RNF168: variants seen among roughly 807,000 people sequenced by gnomAD.
RNF168 encodes the protein E3 ubiquitin-protein ligase RNF168.
Under a neutral mutation model 34.9 loss-of-function variants are expected in RNF168, and 34 were observed. That is an observed-to-expected ratio of 0.97 (90% CI 0.74 to 1.30). The LOEUF is 1.30. Ranked by LOEUF, RNF168 falls within the 50% of genes most tolerant of loss-of-function variation. RNF168 has a pLI of 0.00. For missense variants in RNF168, 725 were observed against 682.5 expected, an observed-to-expected ratio of 1.06 and a Z score of -0.69; for synonymous variants, 264 against 254.7, an observed-to-expected ratio of 1.04 and a Z score of -0.35.
intron 1 of RNF168, among the ~76,000 whole-genome samples, chr3:196,496,873 G>A (rs972958591): frequency 5.9e-5 from 9 of 152,270 alleles, no homozygotes; most frequent in African/African-American, 1.2e-4. Context: ...GGACGGGCAC[G>A]ATGGCTCACG....
chr3:196,474,460 T>TG (rs1732092035), intron 5 of RNF168, among the ~76,000 whole-genome samples: 1 of 149,956 alleles, frequency 6.7e-6, no homozygotes, highest in Non-Finnish European at 1.5e-5. Flanking sequence ...TTTTTTTTTT[T>TG]TTTTGAAACA....
chr3:196,485,280 G>T (rs1035863952), intron 3 of RNF168, among the ~76,000 whole-genome samples: 13 of 152,066 alleles, frequency 8.5e-5, no homozygotes, highest in Non-Finnish European at 5.9e-5. Context: ...GGCTGAGGTG[G>T]GTGGATCACA....
At chr3:196,498,037 A>G (rs1310940919) in intron 1 of RNF168, among the ~76,000 whole-genome samples, 2 of 152,226 alleles carry the variant, frequency 1.3e-5, no homozygotes, top group Non-Finnish European at 2.9e-5. Context: ...AATCAACTGG[A>G]ATGGTTAAAT....
At chr3:196,473,239 G>A (rs1231341054) in intron 5 of RNF168, among the ~76,000 whole-genome samples, 1 of 152,018 alleles carries the variant, frequency 6.6e-6, no homozygotes, top group African/African-American at 2.4e-5. Flanking sequence ...CTCTACCGTG[G>A]ACCCTCCTTT....
chr3:196,501,730 A>G (rs183161916), intron 1 of RNF168, among the ~76,000 whole-genome samples: 1 of 152,164 alleles, frequency 6.6e-6, no homozygotes, highest in African/African-American at 2.4e-5. Context: ...ACAATATTTT[A>G]AAAATAACGC....
Position 196,471,838 on chromosome 3 carries a change from A to C in RNF168, c.1697T>G (p.Phe566Cys). The change falls in exon 6 of 6, where the codon TTT becomes TGT. Residue 566 changes from phenylalanine (F) to cysteine (C), a missense_variant. Coordinates refer to ENST00000318037, the MANE Select transcript of RNF168 (RefSeq NM_152617.4). The part of the protein sequence containing the change: ...SISQKSVFQM[F>C]QRCTK ...CAGGCCTTACTTTGTGCATCTCTGA[A>C]ACATCTGAAAAACACTTTTCTGTGA... 6.2e-7 allele frequency: 1 copy of C among 1,613,048 alleles called. No individual in the cohort carries two copies. The highest frequency in any genetic ancestry group is 8.5e-7 in the Non-Finnish European group (1 of 1,179,038).
At chr3:196,481,268 T>C (rs1732280061) in intron 4 of RNF168, among the ~76,000 whole-genome samples, 1 of 152,118 alleles carries the variant, frequency 6.6e-6, no homozygotes, top group African/African-American at 2.4e-5. Context: ...CCCTTGCGTA[T>C]TCCTGACCTT....
intron 1 of RNF168, among the ~76,000 whole-genome samples, chr3:196,500,495 G>A (rs1203328379): frequency 6.6e-6 from 1 of 152,100 alleles, no homozygotes; most frequent in Non-Finnish European, 1.5e-5. Context: ...GTTGCCAGGG[G>A]ATAGTAGGAG....
chr3:196,490,529 A>G (rs1350763619), intron 1 of RNF168, among the ~76,000 whole-genome samples: 1 of 152,270 alleles, frequency 6.6e-6, no homozygotes, highest in Middle Eastern at 3.4e-3. Flanking sequence ...TACCCTAAAG[A>G]GCCCTGACTT....
chr3:196,481,115 TAGATA>T lies in RNF168; in HGVS notation c.680+2650_680+2654del, dbSNP rs1200964869. Reference sequence around the variant, plus strand: ...CCTCTGACTTTTTGGGTTTTCTACATAGATAATTATACCGCCTCTGAAGAATGATA... The same window carrying T: ...CCTCTGACTTTTTGGGTTTTCTACATATTATACCGCCTCTGAAGAATGATA... On this transcript the variant is annotated intron_variant, in intron 4 of 5. Transcript: ENST00000318037. Among the ~76,000 whole-genome samples the T allele has an allele frequency of 3.3e-5, 5 of 152,370 alleles. No individual in the cohort carries two copies. The East Asian group carries it at 9.6e-4, about 29-fold the overall frequency.
At chr3:196,489,070 G>A (rs1414528172) in intron 1 of RNF168, among the ~76,000 whole-genome samples, 1 of 152,046 alleles carries the variant, frequency 6.6e-6, no homozygotes, top group Admixed American at 6.6e-5. Context: ...TGGCCAGGCT[G>A]GTCTCGAGCT....
chr3:196,476,813 T>A (rs186091221), intron 4 of RNF168, among the ~76,000 whole-genome samples: 45 of 151,402 alleles, frequency 3.0e-4, no homozygotes, highest in African/African-American at 1.1e-3. Context: ...CGTGACATGA[T>A]CTTGGCTCAC....
Position 196,468,955 on chromosome 3 carries a change from G to A in RNF168, c.*2864C>T, listed in dbSNP as rs1236531963. The stretch of plus-strand genomic sequence containing the variant: ...TCTAACAAAAAGGCATACATGGTAG[G>A]CAGAGTAGAAATACTAACAGAAATT... On this transcript the variant is annotated 3_prime_UTR_variant, in exon 6 of 6. Transcript: ENST00000318037. The A allele has an allele frequency of 6.6e-6, 1 of 152,090 alleles. No homozygotes were observed. The highest frequency in any genetic ancestry group is 2.4e-5 in the African/African-American group (1 of 41,408). 9.4% of individuals were successfully genotyped at this position (152,090 alleles called of 1,614,324 possible). A position where few individuals can be genotyped will look rare whatever the true frequency, so the allele number is the denominator to read the frequency against.
Position 196,503,218 on chromosome 3 carries a change from A to G in RNF168, c.-45T>C, listed in dbSNP as rs1372654420. The G allele has an allele frequency of 6.4e-7, 1 of 1,565,884 alleles. No individual in the cohort carries two copies. Among genetic ancestry groups the G allele is most frequent in the Non-Finnish European group, 8.8e-7 (1 of 1,136,488 alleles). Reference sequence around the variant, plus strand: ...CGACTAAACAACGACACCTGCACGAAAAAGAATCCTATTTTCGGCCAACCA... The same window carrying G: ...CGACTAAACAACGACACCTGCACGAGAAAGAATCCTATTTTCGGCCAACCA... On this transcript the variant is annotated 5_prime_UTR_variant, in exon 1 of 6. Coordinates refer to ENST00000318037, the MANE Select transcript of RNF168 (RefSeq NM_152617.4).
chr3:196,479,747 G>A (rs1252883785), intron 4 of RNF168, among the ~76,000 whole-genome samples: 11 of 151,552 alleles, frequency 7.3e-5, no homozygotes, highest in South Asian at 4.2e-4. Context: ...CCGCCACCAC[G>A]CCTGGCTAAT....
chr3:196,486,707 C>T (rs557086193), intron 3 of RNF168, among the ~76,000 whole-genome samples: 5 of 152,146 alleles, frequency 3.3e-5, no homozygotes, highest in African/African-American at 4.8e-5. Flanking sequence ...GGAAAAGGAA[C>T]GGGAGTGGAG....
chr3:196,478,269 C>A (rs1391149455), intron 4 of RNF168, among the ~76,000 whole-genome samples: 1 of 152,060 alleles, frequency 6.6e-6, no homozygotes, highest in African/African-American at 2.4e-5. Flanking sequence ...CCAAAGATTT[C>A]TCTGTATATA....
chr3:196,484,500 A>G (rs1236520580), intron 3 of RNF168, among the ~76,000 whole-genome samples: 1 of 63,450 alleles, frequency 1.6e-5, no homozygotes, highest in Non-Finnish European at 3.1e-5. Flanking sequence ...TTTTTTTTTT[A>G]AGACAGGGTC....
intron 4 of RNF168, among the ~76,000 whole-genome samples, chr3:196,481,371 A>C (rs1577512732): frequency 6.6e-6 from 1 of 151,500 alleles, no homozygotes. Flanking sequence ...CAGGAGTTTG[A>C]GGTTGCAGTG....
Sources: gnomAD v4.1 joint callset for allele counts (sites outside exome capture counted in the v4.1 genomes callset) on GRCh38, gnomAD v4.1.1 for gene constraint, MANE v1.5 for transcripts, NCBI Gene and HGNC (gene_info 2026-07-23, HGNC 2026-07-21) for gene names.